ESR1: variants seen among roughly 807,000 people sequenced by gnomAD.
ESR1 encodes the protein estrogen receptor.
ESR1 carries 12 observed loss-of-function variants against 52.7 expected under a neutral mutation model. That is an observed-to-expected ratio of 0.23 (90% CI 0.15 to 0.37). ESR1 has a LOEUF of 0.37. ESR1 is among the 10% of genes least tolerant of loss of function. The probability of loss-of-function intolerance (pLI) is 1.00; values close to 1 mark genes in which losing one functional copy is unlikely to be tolerated. For synonymous variants in ESR1, 305 were observed against 316.8 expected, an observed-to-expected ratio of 0.96 and a Z score of 0.39; for missense variants, 584 against 779.7, an observed-to-expected ratio of 0.75 and a Z score of 2.99.
rs374897910 is a variant in ESR1, at chr6:152,019,986, A to G, written c.1235+8192A>G. Reference sequence around the variant, plus strand: ...TGTGTAAGAGGCACTCCTGCCCTCAAGGAGTTTACTATTGAGTGGTAGTGT... The same window carrying G: ...TGTGTAAGAGGCACTCCTGCCCTCAGGGAGTTTACTATTGAGTGGTAGTGT... On this transcript the variant is annotated intron_variant, in intron 5 of 7. Coordinates refer to ENST00000206249, the MANE Select transcript of ESR1 (RefSeq NM_000125.4). Among the ~76,000 whole-genome samples the G allele has an allele frequency of 7.4e-4, 112 of 152,332 alleles. 2 individuals are homozygous for G. The South Asian group carries it at 0.023, about 31-fold the overall frequency.
chr6:152,094,583 G>A lies in ESR1; in HGVS notation c.1553+15G>A, dbSNP rs2152496892. On this transcript the variant is annotated intron_variant, in intron 7 of 7. Coordinates refer to ENST00000206249, the MANE Select transcript of ESR1 (RefSeq NM_000125.4). The surrounding 1 kb of genome is among the most constrained non-coding windows in gnomAD (Gnocchi z 4.6). ...AGGCACATGAGGTGAGGCATCTGTG[G>A]GCTTCCTACAGGAGAGACATAAAGA... 1 of 1,612,634 alleles carries A rather than the reference G, an allele frequency of 6.2e-7. No homozygotes were observed. The highest frequency in any genetic ancestry group is 8.5e-7 in the Non-Finnish European group (1 of 1,179,680).
intron 3 of ESR1, among the ~76,000 whole-genome samples, chr6:151,886,466 AT>A (rs1483422303): frequency 6.6e-6 from 1 of 152,202 alleles, no homozygotes; most frequent in African/African-American, 2.4e-5. Context: ...TTGCAGTATA[AT>A]TTTTAGAAAT....
chr6:151,907,429 C>G (rs1215054808), intron 3 of ESR1, among the ~76,000 whole-genome samples: 1 of 151,948 alleles, frequency 6.6e-6, no homozygotes, highest in Non-Finnish European at 1.5e-5. Flanking sequence ...AAAATTTACT[C>G]ATAGCTGTCT....
intron 2 of ESR1, among the ~76,000 whole-genome samples, chr6:151,779,915 A>G (rs1301559201): frequency 2.8e-5 from 4 of 143,998 alleles, no homozygotes; most frequent in South Asian, 2.1e-4. Context: ...AAAAAAAAAA[A>G]AAAAAGGAAA....
At chr6:152,123,013 C>A (rs1189191042) in intron 6 of ESR1, among the ~76,000 whole-genome samples, 1 of 152,138 alleles carries the variant, frequency 6.6e-6, no homozygotes, top group Non-Finnish European at 1.5e-5. Context: ...TTAAGTAGAT[C>A]CAGAATAATT....
At chr6:151,808,387 T>G (rs2128157365) in intron 1 of ESR1, 23 bp downstream of exon 1, 2 of 764,670 alleles carry the variant, frequency 2.6e-6, no homozygotes, top group Non-Finnish European at 1.7e-6. Flanking sequence ...GCGCCGCCCG[T>G]CGGGGTGGCC....
intron 4 of ESR1, among the ~76,000 whole-genome samples, chr6:151,994,905 G>A (rs866389448): frequency 9.2e-5 from 14 of 152,092 alleles, no homozygotes; most frequent in Non-Finnish European, 1.9e-4. Context: ...CAAGGCAGGC[G>A]TTTTGTCTTG....
At chr6:151,898,949 C>T (rs969817476) in intron 3 of ESR1, among the ~76,000 whole-genome samples, 1 of 148,506 alleles carries the variant, frequency 6.7e-6, no homozygotes, top group African/African-American at 2.5e-5. Flanking sequence ...CCGGGCAGAG[C>T]GGCTCCTCAC....
In ESR1 at chr6:151,739,855, C is replaced by A. The variant is rs576566482; in HGVS notation, c.-71+37850C>A. Among the ~76,000 whole-genome samples, 4 of 152,318 alleles carry A rather than the reference C, an allele frequency of 2.6e-5. No homozygotes were observed. In the East Asian group the frequency reaches 5.8e-4, roughly 22 times the overall value. On this transcript the variant is annotated intron_variant, in intron 2 of 2. Transcript: ENST00000404742. ...CATTTCTTAGCATTCTGGCCGCAGT[C>A]TTCTACTACATGGTCCTTATTTGTC...
intron 3 of ESR1, among the ~76,000 whole-genome samples, chr6:151,886,727 C>T (rs2128350289): frequency 6.6e-6 from 1 of 152,318 alleles, no homozygotes; most frequent in Non-Finnish European, 1.5e-5. Context: ...TTTAATCCTA[C>T]ATTGGCTATC....
intron 3 of ESR1, among the ~76,000 whole-genome samples, chr6:151,900,457 T>C (rs1028810622): frequency 6.6e-6 from 1 of 152,210 alleles, no homozygotes; most frequent in Non-Finnish European, 1.5e-5. Flanking sequence ...CAGGGATTTC[T>C]TCTTGGCTTG....
intron 5 of ESR1, among the ~76,000 whole-genome samples, chr6:152,040,288 G>A (rs2045678185): frequency 6.6e-6 from 1 of 152,084 alleles, no homozygotes; most frequent in South Asian, 2.1e-4. Context: ...TTTGTTCATG[G>A]GCCTATTGGG....
At chr6:151,881,823 C>G (rs980397295) in intron 3 of ESR1, among the ~76,000 whole-genome samples, 2 of 151,576 alleles carry the variant, frequency 1.3e-5, no homozygotes, top group African/African-American at 4.8e-5. Flanking sequence ...GTGGAGGGGG[C>G]AGTGAACTGA....
At chr6:151,935,748 A>G (rs757815417) in intron 3 of ESR1, among the ~76,000 whole-genome samples, 37 of 152,318 alleles carry the variant, frequency 2.4e-4, no homozygotes, top group Middle Eastern at 6.8e-3. Flanking sequence ...AATATTTTCC[A>G]AAAAACATCC....
At chr6:151,710,873 C>T (rs1221591722) in intron 2 of ESR1, among the ~76,000 whole-genome samples, 1 of 152,196 alleles carries the variant, frequency 6.6e-6, no homozygotes, top group Non-Finnish European at 1.5e-5. Context: ...CTACAAAGGA[C>T]ATGAACTCAT....
At chr6:151,899,899 C>T (rs1424162912) in intron 3 of ESR1, among the ~76,000 whole-genome samples, 3 of 151,784 alleles carry the variant, frequency 2.0e-5, no homozygotes, top group Admixed American at 6.6e-5. Flanking sequence ...CAGAGACACT[C>T]CTCACTTTCC....
intron 1 of ESR1, 109 bp from the exon 2 acceptor site, chr6:151,842,488 A>G: frequency 1.0e-6 from 1 of 996,400 alleles, no homozygotes; most frequent in Non-Finnish European, 1.5e-6. Context: ...AGCTTACATT[A>G]TGATTCATTA....
At chr6:151,952,614 C>A (rs76893814) in intron 4 of ESR1, among the ~76,000 whole-genome samples, 1 of 152,302 alleles carries the variant, frequency 6.6e-6, no homozygotes, top group African/African-American at 2.4e-5. Context: ...GTCCTTGGTC[C>A]AGAGTATCTT....
In ESR1 at chr6:151,691,709, A is replaced by G. The variant is rs1193904562; in HGVS notation, c.-202+1045A>G. ...ATATACATATTTTAATATTGAGAGT[A>G]AACAGGAAGACCAGGTAGAAGTATT... is the stretch of plus-strand genomic sequence containing the variant. On this transcript the variant is annotated intron_variant, in intron 1 of 2. Coordinates refer to the ESR1 transcript ENST00000404742. Among the ~76,000 whole-genome samples, 2 of 118,212 alleles carry G rather than the reference A, an allele frequency of 1.7e-5. 1 individual carries two copies. Among genetic ancestry groups the G allele is most frequent in the Non-Finnish European group, 3.7e-5 (2 of 53,676 alleles). 77.6% of individuals were successfully genotyped at this position (118,212 alleles called of 152,430 possible).
Sources: gnomAD v4.1 joint callset for allele counts (sites outside exome capture counted in the v4.1 genomes callset) on GRCh38, gnomAD v4.1.1 for gene constraint, Gnocchi (gnomAD v3.1) non-coding constraint, MANE v1.5 for transcripts, NCBI Gene and HGNC (gene_info 2026-07-23, HGNC 2026-07-21) for gene names.